FAM163A: variants seen among roughly 807,000 people sequenced by gnomAD.
The protein encoded by FAM163A is family with sequence similarity 163 member A.
Under a neutral mutation model 12.0 loss-of-function variants are expected in FAM163A, and 7 were observed. That is an observed-to-expected ratio of 0.58 (90% CI 0.33 to 1.10). FAM163A has a LOEUF of 1.10. Among genes scored for constraint, FAM163A ranks in the 50% least tolerant of loss-of-function variants. The pLI, the probability that FAM163A is intolerant of heterozygous loss-of-function variation, is 0.03. For synonymous variants in FAM163A, 101 were observed against 91.0 expected (o/e 1.11, Z -0.62); for missense variants, 202 against 218.6 (o/e 0.92, Z 0.48).
intron 1 of FAM163A, among the ~76,000 whole-genome samples, chr1:179,789,153 G>A (rs1355312876): frequency 1.3e-5 from 2 of 152,202 alleles, no homozygotes; most frequent in South Asian, 2.1e-4. Flanking sequence ...AATCTTCAGT[G>A]CATTCCCAGG....
At position 179,815,648 on chromosome 1, in the gene FAM163A, G is replaced by T. The variant is rs1695254734; in HGVS notation, c.*1459G>T. 6.6e-6 allele frequency: 1 copy of T among 152,270 alleles called. No homozygotes were observed. The highest frequency in any genetic ancestry group is 1.5e-5 in the Non-Finnish European group (1 of 68,118). The allele number at this position is 152,270 out of a possible 1,614,324, so 9.4% of individuals were successfully genotyped here. A position where few individuals can be genotyped will look rare whatever the true frequency, so the allele number is the denominator to read the frequency against. ...GAGAATCCTGATGAGTTTTCCAGTG[G>T]CCTCTGCAGAAGCTGGCCCCCTTCT... On this transcript the variant is annotated 3_prime_UTR_variant, in exon 5 of 5. Transcript: ENST00000341785.
chr1:179,728,006 G>T, the FAM163A span, among the ~76,000 whole-genome samples: 1 of 152,164 alleles, frequency 6.6e-6, no homozygotes, highest in African/African-American at 2.4e-5. Flanking sequence ...AATGGGAAAT[G>T]AGATGATGTT....
intron 1 of FAM163A, among the ~76,000 whole-genome samples, chr1:179,800,014 AAG>A (rs1419415802): frequency 6.6e-6 from 1 of 152,204 alleles, no homozygotes; most frequent in Non-Finnish European, 1.5e-5. Flanking sequence ...GGATGGTGGC[AAG>A]GAAGACTTCC....
chr1:179,811,175 T>C (rs1694654327), intron 2 of FAM163A, among the ~76,000 whole-genome samples: 1 of 152,154 alleles, frequency 6.6e-6, no homozygotes, highest in South Asian at 2.1e-4. Flanking sequence ...TGAAGCTGTC[T>C]CTAAAAGTTT....
intron 1 of FAM163A, among the ~76,000 whole-genome samples, chr1:179,785,859 T>G (rs1029946550): frequency 1.1e-4 from 16 of 152,250 alleles, no homozygotes; most frequent in African/African-American, 3.9e-4. Context: ...ATAGTGTATT[T>G]AGCTTCCCCC....
At chr1:179,765,629 A>G (rs1687380797) in intron 1 of FAM163A, among the ~76,000 whole-genome samples, 1 of 147,910 alleles carries the variant, frequency 6.8e-6, no homozygotes, top group African/African-American at 2.5e-5. Flanking sequence ...TGTGGTGAGT[A>G]TTGTAGGTAA....
chr1:179,799,785 C>T (rs1692901324), intron 1 of FAM163A, among the ~76,000 whole-genome samples: 1 of 152,220 alleles, frequency 6.6e-6, no homozygotes. Flanking sequence ...GTGATCAGAA[C>T]TTCAGGAGCT....
chr1:179,779,430 TG>T (rs1689430365), intron 1 of FAM163A, among the ~76,000 whole-genome samples: 1 of 152,162 alleles, frequency 6.6e-6, no homozygotes, highest in African/African-American at 2.4e-5. Flanking sequence ...GATACTTTAA[TG>T]AGAGCTGGTG....
intron 1 of FAM163A, among the ~76,000 whole-genome samples, chr1:179,776,804 A>C (rs1030931204): frequency 1.2e-4 from 19 of 152,240 alleles, no homozygotes; most frequent in African/African-American, 4.1e-4. Context: ...GTTCAATGGC[A>C]GTTAGCACAT....
chr1:179,730,715 C>CA, the FAM163A span, among the ~76,000 whole-genome samples: 1 of 152,014 alleles, frequency 6.6e-6, no homozygotes, highest in Non-Finnish European at 1.5e-5. Flanking sequence ...TTTTTATATG[C>CA]AAAAAAGCAC....
At chr1:179,800,513 A>G (rs1347679556) in intron 1 of FAM163A, among the ~76,000 whole-genome samples, 2 of 152,248 alleles carry the variant, frequency 1.3e-5, no homozygotes, top group Non-Finnish European at 2.9e-5. Context: ...AAGCCATGTT[A>G]GACCATGGTG....
chr1:179,793,235 T>C (rs1571511511), intron 1 of FAM163A, among the ~76,000 whole-genome samples: 1 of 152,170 alleles, frequency 6.6e-6, no homozygotes, highest in Admixed American at 6.6e-5. Flanking sequence ...CCTCTCTGGA[T>C]ACGGTCCCTT....
intron 1 of FAM163A, among the ~76,000 whole-genome samples, chr1:179,787,671 C>T (rs533404490): frequency 1.2e-4 from 18 of 152,262 alleles, no homozygotes; most frequent in African/African-American, 1.9e-4. Context: ...TTCTCCTGTC[C>T]AGGAGCAGGG....
At chr1:179,728,591 A>G in the FAM163A span, among the ~76,000 whole-genome samples, 15 of 152,278 alleles carry the variant, frequency 9.9e-5, no homozygotes, top group South Asian at 1.2e-3. Flanking sequence ...GTTTTCTGGC[A>G]TCTCCATATC....
rs1355191199 is a variant in FAM163A, at chr1:179,813,088, C to T, written c.-10C>T. 1 of 1,551,476 alleles carries T rather than the reference C, an allele frequency of 6.4e-7. No homozygotes were observed. The highest frequency in any genetic ancestry group is 8.7e-7 in the Non-Finnish European group (1 of 1,146,936). On this transcript the variant is annotated 5_prime_UTR_variant, in exon 4 of 5. Coordinates refer to ENST00000341785, the MANE Select transcript of FAM163A (RefSeq NM_173509.3). The stretch of plus-strand genomic sequence containing the variant: ...CACATCTTTGCAGAGTTTGATGGGG[C>T]GCCGGGCGGATGACAGCGGGAACGG...
chr1:179,758,674 T>A (rs1686375876), intron 1 of FAM163A, among the ~76,000 whole-genome samples: 1 of 152,266 alleles, frequency 6.6e-6, no homozygotes, highest in Non-Finnish European at 1.5e-5. Flanking sequence ...CGTCCAGGAC[T>A]GACTTTTAGC....
At chr1:179,798,010 G>A (rs868063686) in intron 1 of FAM163A, among the ~76,000 whole-genome samples, 1 of 152,112 alleles carries the variant, frequency 6.6e-6, no homozygotes, top group African/African-American at 2.4e-5. Flanking sequence ...CAGGTAGATT[G>A]TCTGAGCTCA....
At chr1:179,744,341 G>C (rs1684133217) in intron 1 of FAM163A, among the ~76,000 whole-genome samples, 1 of 152,072 alleles carries the variant, frequency 6.6e-6, no homozygotes, top group Non-Finnish European at 1.5e-5. Context: ...TGGCCAAGCA[G>C]AGAGCAGAGC....
intron 1 of FAM163A, among the ~76,000 whole-genome samples, chr1:179,758,877 C>T (rs1284149735): frequency 6.6e-6 from 1 of 152,216 alleles, no homozygotes; most frequent in Non-Finnish European, 1.5e-5. Context: ...ATGGCCTCCT[C>T]ACCCCAGCTC....
Sources: gnomAD v4.1 joint callset for allele counts (sites outside exome capture counted in the v4.1 genomes callset) on GRCh38, gnomAD v4.1.1 for gene constraint, MANE v1.5 for transcripts, NCBI Gene and HGNC (gene_info 2026-07-23, HGNC 2026-07-21) for gene names.